Variants in MAGI2 observed in about 807,000 individuals in gnomAD.
MAGI2 encodes membrane-associated guanylate kinase, WW and PDZ domain-containing protein 2.
In MAGI2, 35 loss-of-function variants were observed where a neutral mutation model predicts 133.3. The ratio of observed to expected loss-of-function variants is 0.26; its 90% CI spans 0.20 to 0.35. The LOEUF is 0.35. Ranked by LOEUF, MAGI2 falls within the 10% of genes least tolerant of loss-of-function variation. The probability of loss-of-function intolerance (pLI) is 1.00; values close to 1 mark genes in which losing one functional copy is unlikely to be tolerated. For synonymous variants in MAGI2, 729 were observed against 710.6 expected (o/e 1.03, Z -0.41); for missense variants, 1,636 against 1,863.4 (o/e 0.88, Z 2.25).
chr7:79,391,560 TATAC>T lies in MAGI2; in HGVS notation c.301+61456_301+61459del, dbSNP rs201025597. Among the ~76,000 whole-genome samples, 44 of 68,418 alleles carry T rather than the reference TATAC, an allele frequency of 6.4e-4. 2 individuals carry two copies. The highest frequency in any genetic ancestry group is 4.0e-3 in the African/African-American group (33 of 8,190). The allele number at this position is 68,418 out of a possible 152,430, so 44.9% of individuals were successfully genotyped here. ...ATAGACATATATATATATATATATA[TATAC>T]ACACTTTACTGTAAGTTCCAGGCTA... On this transcript the variant is annotated intron_variant, in intron 1 of 21. Coordinates refer to ENST00000354212, the MANE Select transcript of MAGI2 (RefSeq NM_012301.4).
rs1804202140 is a variant in MAGI2 at position 78,975,917 on chromosome 7, CATGAA to C, written c.418+31168_418+31172del. On this transcript the variant is annotated intron_variant, in intron 2 of 21. Coordinates refer to ENST00000354212, the MANE Select transcript of MAGI2 (RefSeq NM_012301.4). ...CTATCCTCACCTATTTGAAAACTTA[CATGAA>C]ATGAATCAATTCCTTGAATGACATA... Among the ~76,000 whole-genome samples the C allele has an allele frequency of 5.3e-5, 8 of 151,782 alleles. No homozygotes were observed. The South Asian group carries it at 1.7e-3, about 31-fold the overall frequency.
At chr7:79,415,690 T>G (rs1175257953) in intron 1 of MAGI2, 1 of 152,110 alleles carries the variant, frequency 6.6e-6, no homozygotes, top group Non-Finnish European at 1.5e-5. Flanking sequence ...ACAGAGAAGA[T>G]GGACACCAGA....
At chr7:78,354,756 A>G (rs1273791042) in intron 7 of MAGI2, among the ~76,000 whole-genome samples, 2 of 152,220 alleles carry the variant, frequency 1.3e-5, no homozygotes, top group African/African-American at 4.8e-5. Context: ...GAGGGATTAG[A>G]AAACACAAAA....
intron 15 of MAGI2, among the ~76,000 whole-genome samples, chr7:78,163,500 T>G (rs1441265130): frequency 6.6e-6 from 1 of 152,172 alleles, no homozygotes; most frequent in Non-Finnish European, 1.5e-5. Context: ...AACTCATCAC[T>G]GTGCTAAGAG....
At chr7:78,703,368 G>A (rs1360565534) in intron 2 of MAGI2, among the ~76,000 whole-genome samples, 3 of 152,010 alleles carry the variant, frequency 2.0e-5, no homozygotes, top group African/African-American at 7.2e-5. Context: ...TGTAACACAA[G>A]TAAGAGGGTT....
intron 3 of MAGI2, among the ~76,000 whole-genome samples, chr7:78,547,135 T>A (rs1029780514): frequency 6.6e-6 from 1 of 152,224 alleles, no homozygotes; most frequent in Non-Finnish European, 1.5e-5. Flanking sequence ...TTAACTCCCA[T>A]GACCTATTTC....
At chr7:78,377,527 T>C (rs986806853) in intron 6 of MAGI2, among the ~76,000 whole-genome samples, 12 of 151,724 alleles carry the variant, frequency 7.9e-5, no homozygotes, top group African/African-American at 2.9e-4. Context: ...AGGGGGATGA[T>C]GTTAGTGGGA....
At chr7:78,475,446 C>T (rs751247033) in intron 6 of MAGI2, among the ~76,000 whole-genome samples, 17 of 151,660 alleles carry the variant, frequency 1.1e-4, no homozygotes, top group Non-Finnish European at 1.9e-4. Context: ...ATATTTTCCT[C>T]CATGAAGGAT....
At position 78,515,131 on chromosome 7, in the gene MAGI2, G is replaced by A. The variant is rs558476759; in HGVS notation, c.754+6299C>T. Among the ~76,000 whole-genome samples the A allele has an allele frequency of 9.2e-5, 14 of 152,186 alleles. No individual in the cohort carries two copies. The East Asian group carries it at 1.7e-3, about 19-fold the overall frequency. ...ACAAGATAATAGTGAATTACTTTCC[G>A]GAAAAGTTTAGCAGGTAACTCATGA... is the stretch of plus-strand genomic sequence containing the variant. On this transcript the variant is annotated intron_variant, in intron 4 of 21. Transcript: ENST00000354212.
In MAGI2 at chr7:79,136,024, AGAAG is replaced by A. The variant is rs1355875679; in HGVS notation, c.302-128822_302-128819del. ...GAAAGAGAAAGAAAGAAAGAAAGAAAGAAGGAAAGAAAGAAAGAAAGAAGGAAAG... is the reference window on the plus strand; with the variant it reads ...GAAAGAGAAAGAAAGAAAGAAAGAAAGAAAGAAAGAAAGAAAGAAGGAAAG... On this transcript the variant is annotated intron_variant, in intron 1 of 21. Transcript: ENST00000354212. Among the ~76,000 whole-genome samples, 309 of 126,778 alleles carry A rather than the reference AGAAG, an allele frequency of 2.4e-3. 1 individual carries two copies. Among genetic ancestry groups the A allele is most frequent in the African/African-American group, 4.5e-3 (120 of 26,580 alleles). 83.2% of individuals were successfully genotyped at this position (126,778 alleles called of 152,430 possible).
At chr7:78,875,062 A>G (rs996939293) in intron 2 of MAGI2, among the ~76,000 whole-genome samples, 1 of 152,212 alleles carries the variant, frequency 6.6e-6, no homozygotes, top group Non-Finnish European at 1.5e-5. Flanking sequence ...ACAAAATTCA[A>G]GAAGCAAAAA....
At chr7:78,280,592 G>T (rs944445810) in intron 9 of MAGI2, among the ~76,000 whole-genome samples, 1 of 152,148 alleles carries the variant, frequency 6.6e-6, no homozygotes, top group East Asian at 1.9e-4. Flanking sequence ...CAAGAGTCCC[G>T]TGACATATAA....
intron 21 of MAGI2, among the ~76,000 whole-genome samples, chr7:78,048,977 G>C (rs920041539): frequency 6.6e-6 from 1 of 151,538 alleles, no homozygotes; most frequent in Non-Finnish European, 1.5e-5. Flanking sequence ...GCGTGGTGGC[G>C]TGCGCCTGTA....
At position 78,643,876 on chromosome 7, in the gene MAGI2, A is replaced by C. The variant is rs115397713; in HGVS notation, c.419-16637T>G. 2.7e-3 allele frequency among the ~76,000 whole-genome samples: 416 copies of C among 152,204 alleles called. 3 individuals are homozygous for C. Among genetic ancestry groups the C allele is most frequent in the African/African-American group, 7.1e-3 (297 of 41,546 alleles). Reference sequence around the variant, plus strand: ...CAGCAACATCTACACACACACCCCCACACACACTATTGAAAAATGGATCAT... The same window carrying C: ...CAGCAACATCTACACACACACCCCCCCACACACTATTGAAAAATGGATCAT... On this transcript the variant is annotated intron_variant, in intron 2 of 21. Transcript: ENST00000354212.
chr7:79,047,774 G>A lies in MAGI2; in HGVS notation c.302-40568C>T, dbSNP rs970947302. 3.3e-5 allele frequency among the ~76,000 whole-genome samples: 5 copies of A among 151,786 alleles called. No individual in the cohort carries two copies. The East Asian group carries it at 9.7e-4, about 29-fold the overall frequency. On this transcript the variant is annotated intron_variant, in intron 1 of 21. Coordinates refer to ENST00000354212, the MANE Select transcript of MAGI2 (RefSeq NM_012301.4). ...ATTCCTTATAATCCCTGATTATAAG[G>A]GTCTCTAATGAAGTTCATTCATTAA...
At chr7:78,633,705 C>CA (rs36102006) in intron 2 of MAGI2, among the ~76,000 whole-genome samples, 30,907 of 80,470 alleles carry the variant, frequency 0.38, 5,956 homozygotes, top group African/African-American at 0.54. Context: ...GACTCCGTCT[C>CA]AAAAAAAAAA....
intron 2 of MAGI2, among the ~76,000 whole-genome samples, chr7:78,833,578 C>A (rs1163458332): frequency 1.3e-5 from 2 of 152,170 alleles, no homozygotes; most frequent in Non-Finnish European, 2.9e-5. Flanking sequence ...TCTCCTAGCT[C>A]CCTGCCTTTG....
At chr7:79,024,133 G>A (rs946694712) in intron 1 of MAGI2, among the ~76,000 whole-genome samples, 1 of 152,050 alleles carries the variant, frequency 6.6e-6, no homozygotes, top group Non-Finnish European at 1.5e-5. Flanking sequence ...TACAAAAACA[G>A]ACATAGAGAC....
intron 21 of MAGI2, among the ~76,000 whole-genome samples, chr7:78,023,168 A>G (rs1334881598): frequency 6.6e-6 from 1 of 152,234 alleles, no homozygotes; most frequent in African/African-American, 2.4e-5. Context: ...TAGGCAGCCC[A>G]TATCCCACCT....
Sources: allele counts gnomAD v4.1 joint callset (sites outside exome capture counted in the v4.1 genomes callset), GRCh38; gene constraint gnomAD v4.1.1; transcripts MANE v1.5; gene names NCBI Gene and HGNC (gene_info 2026-07-23, HGNC 2026-07-21).